The following GRAMD2B variants were observed in gnomAD, a reference collection of about 807,000 sequenced individuals.
GRAMD2B encodes the protein GRAM domain containing 2B.
GRAMD2B carries 41 observed loss-of-function variants against 59.2 expected under a neutral mutation model. That is an observed-to-expected ratio of 0.69 (90% CI 0.54 to 0.90). The LOEUF (loss-of-function observed/expected upper bound fraction) is 0.90, where lower values mean the gene tolerates loss of function less well. GRAMD2B is among the 40% of genes least tolerant of loss of function. The pLI is 0.00. For missense variants in GRAMD2B, 424 were observed against 500.5 expected (o/e 0.85, Z 1.46); for synonymous variants, 161 against 182.7 (o/e 0.88, Z 0.96).
At chr5:126,483,649 AAAAG>A in intron 9 of GRAMD2B, 75 bp downstream of exon 9, 138 of 714,742 alleles carry the variant, frequency 1.9e-4, no homozygotes, top group South Asian at 2.7e-4. Flanking sequence ...CTTAAAAAAA[AAAAG>A]AAAAGAAAAG....
At chr5:126,417,680 G>A (rs149114421) in intron 1 of GRAMD2B, among the ~76,000 whole-genome samples, 2 of 152,162 alleles carry the variant, frequency 1.3e-5, no homozygotes, top group Non-Finnish European at 2.9e-5. Flanking sequence ...ACAGATAACT[G>A]CAAAATGCAG....
chr5:126,464,660 A>G (rs745957775), intron 1 of GRAMD2B, among the ~76,000 whole-genome samples: 5 of 152,224 alleles, frequency 3.3e-5, no homozygotes, highest in South Asian at 2.1e-4. Flanking sequence ...GTAAGTCAAC[A>G]CTATCCTAGA....
intron 1 of GRAMD2B, among the ~76,000 whole-genome samples, chr5:126,379,944 G>C (rs1755521596): frequency 6.6e-6 from 1 of 152,088 alleles, no homozygotes; most frequent in African/African-American, 2.4e-5. Flanking sequence ...TGTTTTTGTT[G>C]CATTGGCTTT....
At position 126,486,923 on chromosome 5, in the gene GRAMD2B, C is replaced by G; in HGVS notation, c.1109C>G (p.Thr370Ser). The change falls in exon 12 of 14, where the codon ACT (threonine) becomes AGT (serine). Residue 370 changes from threonine (T) to serine (S), a missense_variant. By Grantham distance (58) the Thr-to-Ser change is moderately conservative. Coordinates refer to ENST00000285689, the MANE Select transcript of GRAMD2B (RefSeq NM_023927.4). ...STFYMRYRIN[T>S]LEEQLGLLTS... ...TTCTACATGAGATACAGAATTAATA[C>G]TCTGGAGGAGCAGCTGGGGTTACTA... 1 of 1,612,406 alleles carries G rather than the reference C, an allele frequency of 6.2e-7. No homozygotes were observed. The highest frequency in any genetic ancestry group is 8.5e-7 in the Non-Finnish European group (1 of 1,178,830).
rs1774238089 is a variant in GRAMD2B at position 126,493,184 on chromosome 5, G to C, written c.*228G>C. On this transcript the variant is annotated 3_prime_UTR_variant, in exon 14 of 14. Coordinates refer to ENST00000285689, the MANE Select transcript of GRAMD2B (RefSeq NM_023927.4). ...CTCTGAGGAAGATTTTGCTGCTTTT[G>C]CCTGAAGAAAACAGACCCATCTCTG... 3 of 537,222 alleles carry C rather than the reference G, an allele frequency of 5.6e-6. No homozygotes were observed. The highest frequency in any genetic ancestry group is 1.0e-5 in the Non-Finnish European group (3 of 297,632). 33.3% of individuals were successfully genotyped at this position (537,222 alleles called of 1,614,324 possible). A position where few individuals can be genotyped will look rare whatever the true frequency, so the allele number is the denominator to read the frequency against.
chr5:126,395,571 C>G (rs1211324101), intron 1 of GRAMD2B, among the ~76,000 whole-genome samples: 1 of 152,164 alleles, frequency 6.6e-6, no homozygotes, highest in African/African-American at 2.4e-5. Context: ...CACAAACATT[C>G]ACTTTATTTT....
At chr5:126,481,228 AAAGAAAGAAAGAAAG>A in intron 8 of GRAMD2B, among the ~76,000 whole-genome samples, 1 of 39,284 alleles carries the variant, frequency 2.5e-5, no homozygotes, top group African/African-American at 1.2e-4. Context: ...AGAAAGAAAG[AAAGAAAGAAAGAAAG>A]AAAGAAAAGA....
At chr5:126,438,659 G>A (rs185685434) in intron 1 of GRAMD2B, among the ~76,000 whole-genome samples, 1 of 152,188 alleles carries the variant, frequency 6.6e-6, no homozygotes, top group East Asian at 1.9e-4. Context: ...CCAGCAAAAG[G>A]ACTGATCCAC....
intron 8 of GRAMD2B, 81 bp downstream of exon 8, chr5:126,480,788 G>T: frequency 3.8e-6 from 5 of 1,299,092 alleles, no homozygotes; most frequent in Non-Finnish European, 5.6e-6. Flanking sequence ...ACCATGACCA[G>T]GGTGTGGGAA....
chr5:126,446,439 T>C (rs1020173120), intron 1 of GRAMD2B, among the ~76,000 whole-genome samples: 1 of 152,140 alleles, frequency 6.6e-6, no homozygotes, highest in Non-Finnish European at 1.5e-5. Context: ...GATACCCTTA[T>C]TTACTCAGCT....
At chr5:126,410,840 T>A (rs1435740684) in intron 1 of GRAMD2B, among the ~76,000 whole-genome samples, 1 of 152,132 alleles carries the variant, frequency 6.6e-6, no homozygotes, top group Non-Finnish European at 1.5e-5. Context: ...CTTGTGGTTT[T>A]GATTTGCATT....
In GRAMD2B at chr5:126,485,780, A is replaced by G; in HGVS notation, c.1058+7A>G. ...TTATATTCTATGCAATTGTGTAAGTACATGAATTTACTGTGAGTGACTAAG... is the reference window on the plus strand; with the variant it reads ...TTATATTCTATGCAATTGTGTAAGTGCATGAATTTACTGTGAGTGACTAAG... On this transcript the variant is annotated splice_region_variant and intron_variant, in intron 11 of 13. Coordinates refer to ENST00000285689, the MANE Select transcript of GRAMD2B (RefSeq NM_023927.4). 1 of 1,531,950 alleles carries G rather than the reference A, an allele frequency of 6.5e-7. No individual in the cohort carries two copies. The highest frequency in any genetic ancestry group is 1.8e-4 in the Middle Eastern group (1 of 5,622). 94.9% of individuals were successfully genotyped at this position (1,531,950 alleles called of 1,614,324 possible).
chr5:126,376,077 A>C (rs1405179554), intron 1 of GRAMD2B, among the ~76,000 whole-genome samples: 1 of 152,242 alleles, frequency 6.6e-6, no homozygotes, highest in Admixed American at 6.5e-5. Context: ...AGTTTCATAA[A>C]TTATCACTCC....
At chr5:126,424,278 T>C (rs182836247) in intron 1 of GRAMD2B, among the ~76,000 whole-genome samples, 145 of 152,318 alleles carry the variant, frequency 9.5e-4, no homozygotes, top group Admixed American at 2.2e-3. Context: ...TATTTATCTA[T>C]TTTGCAGTCT....
intron 1 of GRAMD2B, among the ~76,000 whole-genome samples, chr5:126,407,645 A>G (rs1162365916): frequency 6.6e-6 from 1 of 152,052 alleles, no homozygotes; most frequent in Non-Finnish European, 1.5e-5. Context: ...AATAGGATTC[A>G]AATGGGGACA....
At chr5:126,378,266 A>G (rs1275914010) in intron 1 of GRAMD2B, among the ~76,000 whole-genome samples, 1 of 152,200 alleles carries the variant, frequency 6.6e-6, no homozygotes, top group Admixed American at 6.5e-5. Context: ...CTGTTTACTG[A>G]AAATATTATG....
At chr5:126,446,644 A>G (rs1237017897) in intron 1 of GRAMD2B, among the ~76,000 whole-genome samples, 1 of 148,466 alleles carries the variant, frequency 6.7e-6, no homozygotes, top group African/African-American at 2.5e-5. Context: ...AAAAAAACCT[A>G]TGTGTTCTCA....
At chr5:126,384,330 CACA>C (rs1324683186) in intron 1 of GRAMD2B, among the ~76,000 whole-genome samples, 94 of 152,262 alleles carry the variant, frequency 6.2e-4, no homozygotes, top group African/African-American at 2.1e-3. Context: ...TATCATTTTC[CACA>C]ACATGTCTCT....
At chr5:126,453,348 G>A (rs202207615) in intron 1 of GRAMD2B, among the ~76,000 whole-genome samples, 7,264 of 127,198 alleles carry the variant, frequency 0.057, no homozygotes, top group African/African-American at 0.076. Flanking sequence ...CATCTTAAAA[G>A]AAAAAAAAAA....
Sources: allele counts gnomAD v4.1 joint callset (sites outside exome capture counted in the v4.1 genomes callset), GRCh38; gene constraint gnomAD v4.1.1; transcripts MANE v1.5; gene names NCBI Gene and HGNC (gene_info 2026-07-23, HGNC 2026-07-21).